Variants in CYTH1 observed in about 807,000 individuals in gnomAD.
CYTH1 encodes the protein cytohesin-1.
CYTH1 carries 18 observed loss-of-function variants against 61.8 expected under a neutral mutation model. The ratio of observed to expected loss-of-function variants is 0.29; its 90% CI spans 0.20 to 0.43. The LOEUF is 0.43. Ranked by LOEUF, CYTH1 falls within the 20% of genes least tolerant of loss-of-function variation. The pLI is 1.00. For synonymous variants in CYTH1, 174 were observed against 184.3 expected (o/e 0.94, Z 0.45); for missense variants, 336 against 510.5 (o/e 0.66, Z 3.29).
intron 10 of CYTH1, among the ~76,000 whole-genome samples, chr17:78,694,755 A>G (rs2092922012): frequency 6.6e-6 from 1 of 152,204 alleles, no homozygotes; most frequent in Non-Finnish European, 1.5e-5. Context: ...GATGGAAAGA[A>G]ATCAAGGAGA....
chr17:78,740,269 G>C (rs1231674368), intron 1 of CYTH1, among the ~76,000 whole-genome samples: 3 of 152,112 alleles, frequency 2.0e-5, no homozygotes. Flanking sequence ...CTGCCAACCA[G>C]GTCCCCCATC....
chr17:78,759,016 T>C (rs945158848), intron 1 of CYTH1, among the ~76,000 whole-genome samples: 13 of 151,336 alleles, frequency 8.6e-5, no homozygotes, highest in African/African-American at 2.9e-4. Flanking sequence ...GGTGGGAGGA[T>C]TGCTTAAGCA....
At chr17:78,719,728 G>A (rs771504384) in intron 1 of CYTH1, among the ~76,000 whole-genome samples, 2 of 152,182 alleles carry the variant, frequency 1.3e-5, no homozygotes, top group Non-Finnish European at 2.9e-5. Flanking sequence ...CAGTCCTCAG[G>A]ATAAATGTTA....
chr17:78,721,531 A>G (rs147304021), intron 1 of CYTH1, among the ~76,000 whole-genome samples: 7 of 152,310 alleles, frequency 4.6e-5, no homozygotes, highest in African/African-American at 1.7e-4. Context: ...AAATCTATTA[A>G]AGGCTTTTAT....
intron 1 of CYTH1, among the ~76,000 whole-genome samples, chr17:78,766,172 G>A (rs1316171058): frequency 6.6e-6 from 1 of 151,320 alleles, no homozygotes; most frequent in African/African-American, 2.4e-5. Context: ...GGAAGACTCT[G>A]GGAGCTGCTC....
intron 10 of CYTH1, among the ~76,000 whole-genome samples, chr17:78,693,735 C>T (rs1377151260): frequency 6.6e-6 from 1 of 152,006 alleles, no homozygotes; most frequent in Non-Finnish European, 1.5e-5. Flanking sequence ...AATGAAGCTA[C>T]ACCTGCTGTC....
intron 1 of CYTH1, chr17:78,736,654 C>A: frequency 2.9e-6 from 1 of 339,304 alleles, no homozygotes; most frequent in South Asian, 2.2e-5. Flanking sequence ...TACCCCAAGC[C>A]GCATCAGTCC....
In CYTH1 at chr17:78,691,715, C is replaced by T. The variant is rs1217377299; in HGVS notation, c.891+702G>A. The stretch of plus-strand genomic sequence containing the variant: ...GCACCCCATCACCAGTCCGGTGAGC[C>T]ACGGTCTCCACACCAAGTGCTAACT... On this transcript the variant is annotated intron_variant, in intron 11 of 13. Coordinates refer to ENST00000446868, the MANE Select transcript of CYTH1 (RefSeq NM_004762.6). 2.6e-5 allele frequency: 4 copies of T among 152,164 alleles called. No individual in the cohort carries two copies. In the East Asian group the frequency reaches 7.7e-4, roughly 29 times the overall value. The allele number at this position is 152,164 out of a possible 1,614,324, so 9.4% of individuals were successfully genotyped here. A position where few individuals can be genotyped will look rare whatever the true frequency, so the allele number is the denominator to read the frequency against.
intron 1 of CYTH1, among the ~76,000 whole-genome samples, chr17:78,776,642 G>A (rs1253744815): frequency 2.2e-5 from 3 of 133,828 alleles, no homozygotes; most frequent in Non-Finnish European, 3.1e-5. Flanking sequence ...CTGGACAACA[G>A]AGCGAGACTC....
chr17:78,725,203 C>T (rs561424853), intron 1 of CYTH1, among the ~76,000 whole-genome samples: 23 of 152,248 alleles, frequency 1.5e-4, no homozygotes, highest in African/African-American at 4.3e-4. Context: ...CGCCATCCGT[C>T]GAGTCTTACC....
chr17:78,778,398 G>A (rs1325479924), intron 1 of CYTH1, among the ~76,000 whole-genome samples: 1 of 151,648 alleles, frequency 6.6e-6, no homozygotes, highest in African/African-American at 2.4e-5. Context: ...AGCACTTTGG[G>A]AGGCCAAGGC....
chr17:78,771,210 T>A (rs1255455062), intron 1 of CYTH1, among the ~76,000 whole-genome samples: 1 of 151,862 alleles, frequency 6.6e-6, no homozygotes, highest in Admixed American at 6.6e-5. Context: ...TTAAGAGAGC[T>A]GAGATTATGC....
intron 3 of CYTH1, among the ~76,000 whole-genome samples, chr17:78,704,635 C>T (rs2093046916): frequency 6.6e-6 from 1 of 152,188 alleles, no homozygotes; most frequent in Non-Finnish European, 1.5e-5. Flanking sequence ...ATCCTCCGGC[C>T]TCAGCCTCCT....
At chr17:78,683,239 G>A (rs888158000) in intron 11 of CYTH1, among the ~76,000 whole-genome samples, 7 of 152,098 alleles carry the variant, frequency 4.6e-5, no homozygotes, top group African/African-American at 1.7e-4. Flanking sequence ...GCTGGTGGTG[G>A]ACCCTTCTTC....
chr17:78,745,899 G>GA (rs71161621), intron 1 of CYTH1, among the ~76,000 whole-genome samples: 8,504 of 151,190 alleles, frequency 0.056, 420 homozygotes, highest in South Asian at 0.17. Context: ...TCAAAAAAAA[G>GA]AAAAAAAAAT....
intron 3 of CYTH1, among the ~76,000 whole-genome samples, chr17:78,704,563 C>G (rs545802177): frequency 9.2e-5 from 14 of 152,278 alleles, no homozygotes; most frequent in African/African-American, 2.9e-4. Context: ...CTCTGTCACC[C>G]AGGCTGGAGT....
intron 6 of CYTH1, among the ~76,000 whole-genome samples, chr17:78,701,394 T>A (rs1484106450): frequency 2.0e-5 from 3 of 152,318 alleles, no homozygotes; most frequent in Admixed American, 6.5e-5. Context: ...CTGAAAAATT[T>A]CAAAATTTAA....
At chr17:78,748,872 C>A (rs1312422162) in intron 1 of CYTH1, among the ~76,000 whole-genome samples, 1 of 152,112 alleles carries the variant, frequency 6.6e-6, no homozygotes, top group East Asian at 1.9e-4. Context: ...AACCACAAGA[C>A]CAAATGTTAC....
chr17:78,774,837 G>A (rs2093484794), intron 1 of CYTH1, among the ~76,000 whole-genome samples: 1 of 152,246 alleles, frequency 6.6e-6, no homozygotes. Flanking sequence ...CATGTGAAAT[G>A]TTCCCAAATC....
Sources: gnomAD v4.1 joint callset for allele counts (sites outside exome capture counted in the v4.1 genomes callset) on GRCh38, gnomAD v4.1.1 for gene constraint, MANE v1.5 for transcripts, NCBI Gene and HGNC (gene_info 2026-07-23, HGNC 2026-07-21) for gene names.